The following KALRN variants were observed in gnomAD, a reference collection of about 807,000 sequenced individuals.
The protein encoded by KALRN is kalirin RhoGEF kinase, also known as kalirin.
A neutral mutation model predicts 353.7 loss-of-function variants in KALRN; 70 were observed. The observed-to-expected ratio is 0.20, with a 90% CI of 0.16 to 0.24. The LOEUF is 0.24. Among genes scored for constraint, KALRN ranks in the 10% least tolerant of loss-of-function variants. The pLI is 1.00. For synonymous variants in KALRN, 1,391 were observed against 1,434.8 expected (o/e 0.97, Z 0.69); for missense variants, 2,791 against 3,756.7 (o/e 0.74, Z 6.72).
At chr3:124,325,155 T>C (rs2079753750) in intron 6 of KALRN, among the ~76,000 whole-genome samples, 1 of 152,174 alleles carries the variant, frequency 6.6e-6, no homozygotes, top group East Asian at 1.9e-4. Context: ...GAATTTTTAA[T>C]TAGCAAGTAA....
intron 34 of KALRN, among the ~76,000 whole-genome samples, chr3:124,590,088 T>C (rs3851352): frequency 0.094 from 14,329 of 152,244 alleles, 722 homozygotes; most frequent in Non-Finnish European, 0.11. Context: ...TGGGAAGAAG[T>C]AGCACACATA....
chr3:124,564,796 C>G (rs1038849080), intron 34 of KALRN, among the ~76,000 whole-genome samples: 3 of 152,210 alleles, frequency 2.0e-5, no homozygotes, highest in Non-Finnish European at 4.4e-5. Flanking sequence ...TTCCAGGTGG[C>G]TCTGATGCAC....
intron 34 of KALRN, among the ~76,000 whole-genome samples, chr3:124,587,068 A>G (rs994907496): frequency 6.6e-6 from 1 of 152,186 alleles, no homozygotes; most frequent in Non-Finnish European, 1.5e-5. Context: ...GGCTTGCCCA[A>G]TTGCAACACC....
At chr3:124,269,724 A>G (rs1262010524) in intron 5 of KALRN, among the ~76,000 whole-genome samples, 4 of 152,228 alleles carry the variant, frequency 2.6e-5, no homozygotes, top group Non-Finnish European at 4.4e-5. Flanking sequence ...GTATTTTACC[A>G]TTGACAAACC....
chr3:124,518,246 G>A (rs1373484099), intron 33 of KALRN, among the ~76,000 whole-genome samples: 1 of 152,164 alleles, frequency 6.6e-6, no homozygotes, highest in African/African-American at 2.4e-5. Flanking sequence ...CAAAATGATT[G>A]TGTATTTTTC....
chr3:124,117,633 G>T (rs1287424772), intron 1 of KALRN, among the ~76,000 whole-genome samples: 2 of 152,114 alleles, frequency 1.3e-5, no homozygotes, highest in African/African-American at 4.8e-5. Context: ...CAGTGTGTGT[G>T]TCGGGGGAGT....
chr3:124,489,926 AG>A (rs1219932137), intron 29 of KALRN, among the ~76,000 whole-genome samples: 1 of 152,228 alleles, frequency 6.6e-6, no homozygotes, highest in East Asian at 1.9e-4. Context: ...AAACTGTTGA[AG>A]GCTTGTGCAA....
chr3:124,439,155 C>T, intron 18 of KALRN, 118 bp downstream of exon 18: 1 of 943,954 alleles, frequency 1.1e-6, no homozygotes, highest in Non-Finnish European at 1.6e-6. Context: ...CTTTCTCTCT[C>T]TTTCTCTTTC....
chr3:124,356,773 A>C (rs1296412334), intron 10 of KALRN, among the ~76,000 whole-genome samples: 1 of 152,018 alleles, frequency 6.6e-6, no homozygotes, highest in Non-Finnish European at 1.5e-5. Context: ...GTCCTGATTA[A>C]ACTCTTTTCC....
chr3:124,634,017 T>A, intron 36 of KALRN, 64 bp downstream of exon 36: 1 of 1,240,012 alleles, frequency 8.1e-7, no homozygotes, highest in South Asian at 1.3e-5. Flanking sequence ...GTTTTTTGTG[T>A]GTGATGGGGG....
intron 56 of KALRN, among the ~76,000 whole-genome samples, chr3:124,701,487 A>C (rs1016073145): frequency 4.0e-5 from 6 of 149,316 alleles, no homozygotes; most frequent in Non-Finnish European, 7.4e-5. Flanking sequence ...TCCTGAGCTC[A>C]AGTGATCCTC....
At chr3:124,117,155 A>G (rs1000408898) in intron 1 of KALRN, among the ~76,000 whole-genome samples, 2 of 152,188 alleles carry the variant, frequency 1.3e-5, no homozygotes, top group African/African-American at 4.8e-5. Context: ...CAAGTGGCAG[A>G]TGGAAGGTCA....
chr3:124,039,850 T>A (rs2039788647), intron 1 of KALRN, among the ~76,000 whole-genome samples: 1 of 152,164 alleles, frequency 6.6e-6, no homozygotes, highest in Non-Finnish European at 1.5e-5. Context: ...TGTTGTCCCT[T>A]CTTGATCTCC....
chr3:124,156,781 A>G (rs368218848), intron 1 of KALRN, among the ~76,000 whole-genome samples: 2 of 152,178 alleles, frequency 1.3e-5, no homozygotes, highest in South Asian at 2.1e-4. Context: ...AGATAAAACA[A>G]TGACATGGAG....
intron 11 of KALRN, among the ~76,000 whole-genome samples, chr3:124,394,016 C>T (rs1411737390): frequency 6.6e-6 from 1 of 152,136 alleles, no homozygotes; most frequent in Non-Finnish European, 1.5e-5. Context: ...TAGACATTTA[C>T]CTATGTTTTT....
chr3:124,699,178 C>G (rs1000427148), intron 55 of KALRN, among the ~76,000 whole-genome samples: 1 of 152,058 alleles, frequency 6.6e-6, no homozygotes, highest in African/African-American at 2.4e-5. Flanking sequence ...CTTGTGTCTC[C>G]CAGGTTAGCA....
intron 1 of KALRN, among the ~76,000 whole-genome samples, chr3:124,073,343 C>A (rs1489603170): frequency 6.6e-6 from 1 of 152,212 alleles, no homozygotes; most frequent in Non-Finnish European, 1.5e-5. Flanking sequence ...AAATTGCAGG[C>A]ATACTGCCTT....
intron 51 of KALRN, among the ~76,000 whole-genome samples, chr3:124,682,853 C>T (rs772681918): frequency 3.3e-5 from 5 of 152,120 alleles, no homozygotes; most frequent in African/African-American, 1.2e-4. Context: ...TTTCCTTCCC[C>T]TGCTTGTGAA....
chr3:124,037,058 G>A (rs2039492705), intron 1 of KALRN, among the ~76,000 whole-genome samples: 1 of 152,212 alleles, frequency 6.6e-6, no homozygotes, highest in Admixed American at 6.5e-5. Context: ...TAGTTATGAG[G>A]CAGAGGAGGG....
Sources: gnomAD v4.1 joint callset for allele counts (sites outside exome capture counted in the v4.1 genomes callset) on GRCh38, gnomAD v4.1.1 for gene constraint, MANE v1.5 for transcripts, NCBI Gene and HGNC (gene_info 2026-07-23, HGNC 2026-07-21) for gene names.